TMEM260: variants seen among roughly 807,000 people sequenced by gnomAD.
The protein encoded by TMEM260 is transmembrane protein 260, also known as protein O-mannosyl-transferase TMEM260.
TMEM260 carries 82 observed loss-of-function variants against 88.9 expected under a neutral mutation model. That is an observed-to-expected ratio of 0.92 (90% CI 0.77 to 1.11). The LOEUF is 1.11. TMEM260 is among the 50% of genes least tolerant of loss of function. The probability of loss-of-function intolerance (pLI) is 0.00; values close to 1 mark genes in which losing one functional copy is unlikely to be tolerated. For synonymous variants in TMEM260, 314 were observed against 309.3 expected, an observed-to-expected ratio of 1.02 and a Z score of -0.16; for missense variants, 902 against 853.4, an observed-to-expected ratio of 1.06 and a Z score of -0.71.
At chr14:56,660,046 A>C in the TMEM260 span, among the ~76,000 whole-genome samples, 1 of 152,212 alleles carries the variant, frequency 6.6e-6, no homozygotes, top group Non-Finnish European at 1.5e-5. Context: ...ACCTGCTACT[A>C]TAAATTTCAC....
rs1359324487 is a variant in TMEM260, at chr14:56,649,272, C to G, written c.*1775C>G. The G allele has an allele frequency of 1.3e-5, 2 of 152,602 alleles. No homozygotes were observed. Among genetic ancestry groups the G allele is most frequent in the Non-Finnish European group, 2.9e-5 (2 of 68,046 alleles). The allele number at this position is 152,602 out of a possible 1,614,324, so 9.5% of individuals were successfully genotyped here. A position where few individuals can be genotyped will look rare whatever the true frequency, so the allele number is the denominator to read the frequency against. The stretch of plus-strand genomic sequence containing the variant: ...ATTGAAGTTGTTGAGTACTAATTGG[C>G]AAAGACTTTTAATCATGGGCCAAGA... On this transcript the variant is annotated 3_prime_UTR_variant, in exon 16 of 16. Coordinates refer to ENST00000261556, the MANE Select transcript of TMEM260 (RefSeq NM_017799.4).
At chr14:56,585,269 A>T (rs193224891) in intron 2 of TMEM260, among the ~76,000 whole-genome samples, 1 of 152,282 alleles carries the variant, frequency 6.6e-6, no homozygotes, top group East Asian at 1.9e-4. Context: ...CAAATTTTGT[A>T]TAAGCTGTGG....
In TMEM260 at chr14:56,636,501, C is replaced by CCCCCAGGATGAAAA. The variant is rs1566572387; in HGVS notation, c.1779-5_1787dup. Reference sequence around the variant, plus strand: ...ATTTTAATGAAGGTTCCTATCCCCACCCCCAGGATGAAAACACCGTTCTTC... The same window carrying CCCCCAGGATGAAAA: ...ATTTTAATGAAGGTTCCTATCCCCACCCCCAGGATGAAAACCCCAGGATGAAAACACCGTTCTTC... On this transcript the variant is annotated splice_polypyrimidine_tract_variant and splice_region_variant and intron_variant, in intron 14 of 15. Coordinates refer to ENST00000261556, the MANE Select transcript of TMEM260 (RefSeq NM_017799.4). 2 of 1,613,238 alleles carry CCCCCAGGATGAAAA rather than the reference C, an allele frequency of 1.2e-6. No individual in the cohort carries two copies. The highest frequency in any genetic ancestry group is 4.5e-5 in the East Asian group (2 of 44,870).
intron 13 of TMEM260, among the ~76,000 whole-genome samples, chr14:56,634,284 G>A (rs890937370): frequency 3.9e-5 from 6 of 152,056 alleles, no homozygotes; most frequent in Non-Finnish European, 8.8e-5. Context: ...CCTCACCTCT[G>A]CCCTGTTGCC....
chr14:56,632,661 G>A (rs1594878618), intron 12 of TMEM260, among the ~76,000 whole-genome samples: 1 of 151,956 alleles, frequency 6.6e-6, no homozygotes, highest in Non-Finnish European at 1.5e-5. Context: ...TGTTGCCCAG[G>A]CTGGTCTCAA....
intron 3 of TMEM260, among the ~76,000 whole-genome samples, chr14:56,590,859 G>A (rs2139513194): frequency 6.6e-6 from 1 of 152,344 alleles, no homozygotes; most frequent in African/African-American, 2.4e-5. Context: ...GTAGGGGATT[G>A]TGGGGTCAGA....
chr14:56,579,614 G>A, upstream of TMEM260: 1 of 318,030 alleles, frequency 3.1e-6, no homozygotes, highest in Non-Finnish European at 5.7e-6. Context: ...GCCTGTGGCC[G>A]GGCTTGCTTT....
chr14:56,601,596 C>T (rs1886580044), intron 3 of TMEM260, among the ~76,000 whole-genome samples: 1 of 152,158 alleles, frequency 6.6e-6, no homozygotes, highest in South Asian at 2.1e-4. Flanking sequence ...TTTTGGTATT[C>T]ATTGATTATT....
chr14:56,652,287 A>G (rs912557446), downstream of TMEM260, among the ~76,000 whole-genome samples: 1 of 151,968 alleles, frequency 6.6e-6, no homozygotes, highest in Admixed American at 6.6e-5. Flanking sequence ...CTTGAGTCCG[A>G]GAGTTTGAGA....
intron 12 of TMEM260, among the ~76,000 whole-genome samples, chr14:56,629,859 ACC>A (rs149369460): frequency 0.013 from 2,050 of 152,056 alleles, 35 homozygotes; most frequent in African/African-American, 0.046. Flanking sequence ...ACATAGGGAG[ACC>A]CTGTCGCTAC....
At chr14:56,593,566 G>C (rs1459329225) in intron 3 of TMEM260, among the ~76,000 whole-genome samples, 2 of 149,568 alleles carry the variant, frequency 1.3e-5, no homozygotes, top group South Asian at 2.2e-4. Context: ...TTGATATTTT[G>C]AATAATCTAT....
At chr14:56,652,501 A>AG (rs1890224666), downstream of TMEM260, among the ~76,000 whole-genome samples, 1 of 151,732 alleles carries the variant, frequency 6.6e-6, no homozygotes, top group African/African-American at 2.4e-5. Flanking sequence ...AAAAAAAAAA[A>AG]AAAAAAATTA....
chr14:56,610,426 T>TA (rs2139570266), intron 6 of TMEM260, among the ~76,000 whole-genome samples: 1 of 152,174 alleles, frequency 6.6e-6, no homozygotes, highest in African/African-American at 2.4e-5. Context: ...GTATTTTTAG[T>TA]AGAGACGGGG....
intron 12 of TMEM260, among the ~76,000 whole-genome samples, chr14:56,627,784 A>AG (rs1888330133): frequency 6.6e-6 from 1 of 152,184 alleles, no homozygotes; most frequent in Non-Finnish European, 1.5e-5. Context: ...TTTTCTTGTT[A>AG]GGGGGTGTGG....
chr14:56,659,261 G>T, the TMEM260 span, among the ~76,000 whole-genome samples: 4,625 of 140,304 alleles, frequency 0.033, 235 homozygotes, highest in African/African-American at 0.11. Flanking sequence ...TTTGGTTTTT[G>T]TTTTTTTTTT....
chr14:56,655,267 G>A (rs1167122669), downstream of TMEM260, among the ~76,000 whole-genome samples: 1 of 151,798 alleles, frequency 6.6e-6, no homozygotes, highest in Non-Finnish European at 1.5e-5. Flanking sequence ...GCAGATGCCT[G>A]TAATCCCAGC....
At chr14:56,620,211 C>T (rs1887830315) in intron 10 of TMEM260, among the ~76,000 whole-genome samples, 2 of 152,050 alleles carry the variant, frequency 1.3e-5, no homozygotes. Flanking sequence ...ACCTGGGTGA[C>T]GAAATAATCT....
In TMEM260 at chr14:56,596,425, T is replaced by TATATAC. The variant is rs1490067903; in HGVS notation, c.345-7389_345-7388insTATACA. On this transcript the variant is annotated intron_variant, in intron 3 of 15. Transcript: ENST00000261556. ...GTGTGTGTATATATATATATATATA[T>TATATAC]ACATACACACACATATACATATATA... Among the ~76,000 whole-genome samples the TATATAC allele has an allele frequency of 1.4e-3, 194 of 135,610 alleles. 1 individual carries two copies. Among genetic ancestry groups the TATATAC allele is most frequent in the Middle Eastern group, 0.012 (3 of 260 alleles). 89.0% of individuals were successfully genotyped at this position (135,610 alleles called of 152,430 possible).
intron 3 of TMEM260, among the ~76,000 whole-genome samples, chr14:56,593,485 T>C (rs983471708): frequency 4.6e-5 from 7 of 152,000 alleles, no homozygotes; most frequent in African/African-American, 1.7e-4. Context: ...AAACATACTG[T>C]AAAGTATATT....
Sources: allele counts gnomAD v4.1 joint callset (sites outside exome capture counted in the v4.1 genomes callset), GRCh38; gene constraint gnomAD v4.1.1; transcripts MANE v1.5; gene names NCBI Gene and HGNC (gene_info 2026-07-23, HGNC 2026-07-21).